PAK4: variants seen among roughly 807,000 people sequenced by gnomAD.
The protein encoded by PAK4 is serine/threonine-protein kinase PAK 4.
PAK4 carries 49 observed loss-of-function variants against 53.5 expected under a neutral mutation model. The observed-to-expected ratio is 0.92, with a 90% CI of 0.73 to 1.16. The LOEUF is 1.16. Ranked by LOEUF, PAK4 falls within the 50% of genes most tolerant of loss-of-function variation. PAK4 has a pLI of 0.00. For synonymous variants in PAK4, 376 were observed against 375.6 expected, an observed-to-expected ratio of 1.00 and a Z score of -0.01; for missense variants, 824 against 850.7, an observed-to-expected ratio of 0.97 and a Z score of 0.39.
chr19:39,149,584 C>T (rs544937476), intron 1 of PAK4, among the ~76,000 whole-genome samples: 4 of 152,204 alleles, frequency 2.6e-5, no homozygotes, highest in South Asian at 4.2e-4. Context: ...AGGCCAGGCG[C>T]GGTGGCTCAC....
chr19:39,136,856 TGAG>T (rs1220565526), intron 1 of PAK4, among the ~76,000 whole-genome samples: 1 of 152,214 alleles, frequency 6.6e-6, no homozygotes, highest in Non-Finnish European at 1.5e-5. Context: ...AAGGTTTTCC[TGAG>T]GAGGAAATGC....
chr19:39,150,616 G>A (rs2074078378), intron 1 of PAK4, among the ~76,000 whole-genome samples: 1 of 152,056 alleles, frequency 6.6e-6, no homozygotes, highest in South Asian at 2.1e-4. Flanking sequence ...TGGACCAGGT[G>A]GAGTGGCTCC....
chr19:39,173,745 C>G lies in PAK4; in HGVS notation c.833C>G (p.Pro278Arg), dbSNP rs770370097. 7.6e-6 allele frequency: 12 copies of G among 1,578,040 alleles called. No homozygotes were observed. In the African/African-American group the frequency reaches 1.6e-4, roughly 21 times the overall value. ...CAGCTGGCCCCTCCAGCCTGCACCC[C>G]CGCCGCCCCTGCTGTTCCTGGGCCC... Residue 278 changes from proline (P) to arginine (R), a missense_variant, in exon 4 of 9, where the codon CCC becomes CGC. Physicochemically the swap from Pro to Arg is moderately radical, Grantham distance 103. Coordinates refer to ENST00000358301, the Ensembl canonical transcript of PAK4. This position sits in a 1 kb window ranked among gnomAD's most constrained non-coding sequence, Gnocchi z 6.9.
In PAK4 at chr19:39,157,018, C is replaced by T. The variant is rs548380537; in HGVS notation, c.-22-12514C>T. 8.5e-5 allele frequency among the ~76,000 whole-genome samples: 13 copies of T among 152,234 alleles called. No homozygotes were observed. In the East Asian group the frequency reaches 2.5e-3, roughly 29 times the overall value. On this transcript the variant is annotated intron_variant, in intron 1 of 8. Transcript: ENST00000358301. ...TCCATGTGTGCGAGATGGCAGGTGCCTGTCTGCTGGGGACTTGCAGGCATC... is the reference window on the plus strand; with the variant it reads ...TCCATGTGTGCGAGATGGCAGGTGCTTGTCTGCTGGGGACTTGCAGGCATC...
At chr19:39,165,567 A>AAAACC (rs1418474067) in intron 1 of PAK4, among the ~76,000 whole-genome samples, 3 of 138,456 alleles carry the variant, frequency 2.2e-5, no homozygotes, top group African/African-American at 7.7e-5. Flanking sequence ...AATAATAGAC[A>AAAACC]AAACCAACAG....
Position 39,178,573 on chromosome 19 carries a change from C to A in PAK4, c.1770C>A (p.Thr590=). 1 of 1,592,780 alleles carries A rather than the reference C, an allele frequency of 6.3e-7. No homozygotes were observed. Among genetic ancestry groups the A allele is most frequent in the Non-Finnish European group, 8.6e-7 (1 of 1,167,396 alleles). ...TGCCCCTCATGCGCCAGAACCGCAC[C>A]AGATGAGGCCCAGCGCCCTTCCCCT... is the stretch of plus-strand genomic sequence containing the variant. The change falls in exon 9 of 9, where the codon ACC becomes ACA. Residue 590 remains threonine (T), a synonymous_variant. Transcript: ENST00000358301. This position sits in a 1 kb window ranked among gnomAD's most constrained non-coding sequence, Gnocchi z 4.4.
At chr19:39,128,942 G>A (rs2073645769) in intron 1 of PAK4, among the ~76,000 whole-genome samples, 1 of 152,222 alleles carries the variant, frequency 6.6e-6, no homozygotes, top group Non-Finnish European at 1.5e-5. Flanking sequence ...GTCTGGGCTG[G>A]GGCTGGCCTC....
At chr19:39,160,313 C>T (rs1319332096) in intron 1 of PAK4, among the ~76,000 whole-genome samples, 4 of 152,152 alleles carry the variant, frequency 2.6e-5, no homozygotes, top group Admixed American at 6.5e-5. Flanking sequence ...AGATATGTCT[C>T]GAGCACCTAC....
intron 1 of PAK4, among the ~76,000 whole-genome samples, chr19:39,132,631 TG>T (rs1362563069): frequency 6.6e-6 from 1 of 152,268 alleles, no homozygotes; most frequent in Non-Finnish European, 1.5e-5. Flanking sequence ...TGCGCCCGCC[TG>T]AGTGTGGCTG....
At chr19:39,174,032 C>CGCCCTGCT (rs1247239390) in intron 4 of PAK4, 22 bp downstream of exon 5, 1 of 1,496,132 alleles carries the variant, frequency 6.7e-7, no homozygotes, top group Non-Finnish European at 9.0e-7. Context: ...GCTGCCCTGC[C>CGCCCTGCT]GCCCTGCTGG....
At chr19:39,136,998 G>T (rs1458232968) in intron 1 of PAK4, among the ~76,000 whole-genome samples, 1 of 152,162 alleles carries the variant, frequency 6.6e-6, no homozygotes, top group Non-Finnish European at 1.5e-5. Context: ...TCGGTTCTTG[G>T]GTTGGTCTGG....
intron 1 of PAK4, among the ~76,000 whole-genome samples, chr19:39,158,820 A>G (rs570656999): frequency 6.6e-6 from 1 of 152,290 alleles, no homozygotes; most frequent in South Asian, 2.1e-4. Flanking sequence ...GTTATCAGAC[A>G]ATAACAGCCC....
chr19:39,157,487 G>A (rs952595327), intron 1 of PAK4, among the ~76,000 whole-genome samples: 3 of 152,102 alleles, frequency 2.0e-5, no homozygotes, highest in African/African-American at 7.2e-5. Flanking sequence ...TGGCTGAGCC[G>A]CGGCCTTCCC....
chr19:39,129,043 C>T (rs1355643482), intron 1 of PAK4, among the ~76,000 whole-genome samples: 2 of 152,180 alleles, frequency 1.3e-5, no homozygotes, highest in African/African-American at 2.4e-5. Context: ...TCACCATAAA[C>T]ATGCCTTTCT....
chr19:39,136,206 C>T lies in PAK4; in HGVS notation c.-23+10287C>T, dbSNP rs548381181. Among the ~76,000 whole-genome samples, 8 of 149,318 alleles carry T rather than the reference C, an allele frequency of 5.4e-5. No homozygotes were observed. In the East Asian group the frequency reaches 1.6e-3, roughly 30 times the overall value. On this transcript the variant is annotated intron_variant, in intron 1 of 8. Coordinates refer to ENST00000358301, the Ensembl canonical transcript of PAK4. ...TCATCTCCCTCCTGGACCATTGAGG[C>T]GTGCTCCCTGCTCCCTTCTCCCCCA... is the stretch of plus-strand genomic sequence containing the variant.
chr19:39,173,291 T>C lies in PAK4; in HGVS notation c.578T>C (p.Leu193Pro). 1 of 1,603,546 alleles carries C rather than the reference T, an allele frequency of 6.2e-7. No individual in the cohort carries two copies. The highest frequency in any genetic ancestry group is 1.1e-5 in the South Asian group (1 of 89,954). Residue 193 changes from leucine to proline, a missense_variant, in exon 3 of 9, where the codon CTG (leucine) becomes CCG (proline). By Grantham distance (98) the Leu-to-Pro change is moderately conservative. This residue lies in a region of PAK4 where 478 missense variants were observed against 435.8 expected (regional missense o/e 1.10). Transcript: ENST00000358301. This position sits in a 1 kb window ranked among gnomAD's most constrained non-coding sequence, Gnocchi z 6.9. ...GTCGGCACCCCCCAGCCTGCTGGTCTGGCCAGTGGGGCGAAACTGGCAGCT... is the reference window on the plus strand; with the variant it reads ...GTCGGCACCCCCCAGCCTGCTGGTCCGGCCAGTGGGGCGAAACTGGCAGCT...
intron 1 of PAK4, among the ~76,000 whole-genome samples, chr19:39,164,243 C>G (rs536846613): frequency 6.8e-6 from 1 of 147,548 alleles, no homozygotes; most frequent in South Asian, 2.1e-4. Context: ...TGCCATTGCA[C>G]TCCAGCCTGG....
At chr19:39,139,138 C>A (rs1166672929) in intron 1 of PAK4, among the ~76,000 whole-genome samples, 1 of 152,208 alleles carries the variant, frequency 6.6e-6, no homozygotes, top group Non-Finnish European at 1.5e-5. Flanking sequence ...TGCAGCACCC[C>A]AGCCTCGCTG....
At chr19:39,170,128 C>T (rs1331599379) in intron 2 of PAK4, among the ~76,000 whole-genome samples, 1 of 152,164 alleles carries the variant, frequency 6.6e-6, no homozygotes, top group Non-Finnish European at 1.5e-5. Flanking sequence ...CAGTGGAAGA[C>T]AGACCCATTC....
Sources: allele counts gnomAD v4.1 joint callset (sites outside exome capture counted in the v4.1 genomes callset), GRCh38; gene constraint gnomAD v4.1.1; regional missense constraint gnomAD v4.1.1; non-coding constraint Gnocchi (gnomAD v3.1); transcripts MANE v1.5; gene names NCBI Gene and HGNC (gene_info 2026-07-23, HGNC 2026-07-21).